The following PPP1R13B variants were observed in gnomAD, a reference collection of about 807,000 sequenced individuals.
The protein encoded by PPP1R13B is protein phosphatase 1 regulatory subunit 13B, also known as apoptosis-stimulating of p53 protein 1.
Under a neutral mutation model 119.8 loss-of-function variants are expected in PPP1R13B, and 44 were observed. The ratio of observed to expected loss-of-function variants is 0.37; its 90% confidence interval spans 0.29 to 0.47. The LOEUF is 0.47. Among genes scored for constraint, PPP1R13B ranks in the 20% least tolerant of loss-of-function variants. The probability of loss-of-function intolerance (pLI) is 0.99; values close to 1 mark genes in which losing one functional copy is unlikely to be tolerated. For missense variants in PPP1R13B, 1,227 were observed against 1,413.5 expected, an observed-to-expected ratio of 0.87 and a Z score of 2.12; for synonymous variants, 542 against 561.5, an observed-to-expected ratio of 0.97 and a Z score of 0.49.
At chr14:103,845,462 T>C (rs547421445) in intron 1 of PPP1R13B, among the ~76,000 whole-genome samples, 1 of 152,288 alleles carries the variant, frequency 6.6e-6, no homozygotes, top group East Asian at 1.9e-4. Flanking sequence ...AAACAGGTAA[T>C]AGACCTGTTT....
rs534449199 is a variant in PPP1R13B at position 103,804,112 on chromosome 14, T to G, written c.10-6594A>C. On this transcript the variant is annotated intron_variant, in intron 1 of 16. Coordinates refer to ENST00000202556, the MANE Select transcript of PPP1R13B (RefSeq NM_015316.3). ...CCATTTTTTTTTTCATTCAAAAAAG[T>G]TGGAAAATATCATACTAGACCATAA... 727 of 945,532 alleles carry G rather than the reference T, an allele frequency of 7.7e-4. 3 individuals carry two copies. In the African/African-American group the frequency reaches 0.012, roughly 16 times the overall value. 58.6% of individuals were successfully genotyped at this position (945,532 alleles called of 1,614,324 possible). A position where few individuals can be genotyped will look rare whatever the true frequency, so the allele number is the denominator to read the frequency against.
chr14:103,846,824 C>A (rs915477220), intron 1 of PPP1R13B: 10 of 465,680 alleles, frequency 2.1e-5, no homozygotes, highest in African/African-American at 2.0e-4. Flanking sequence ...CTCTCCAAAT[C>A]CGTGCACTCG....
intron 1 of PPP1R13B, among the ~76,000 whole-genome samples, chr14:103,832,714 C>T (rs1025535449): frequency 2.0e-5 from 3 of 152,204 alleles, no homozygotes; most frequent in African/African-American, 7.2e-5. Flanking sequence ...ATCCCAGCAT[C>T]CCAGCACTTT....
At chr14:103,739,195 G>A (rs2084187885) in intron 12 of PPP1R13B, 172 bp from the exon 13 acceptor site, 4 of 800,324 alleles carry the variant, frequency 5.0e-6, no homozygotes, top group Non-Finnish European at 5.9e-6. Context: ...ATAAGGGCCA[G>A]GGCCACTCTG....
At chr14:103,767,151 C>T (rs1418007443) in intron 4 of PPP1R13B, among the ~76,000 whole-genome samples, 5 of 151,888 alleles carry the variant, frequency 3.3e-5, no homozygotes, top group Non-Finnish European at 5.9e-5. Context: ...ACCATCTCTA[C>T]AAAAAAATTT....
At chr14:103,774,731 A>G (rs1228944267) in intron 4 of PPP1R13B, among the ~76,000 whole-genome samples, 1 of 152,196 alleles carries the variant, frequency 6.6e-6, no homozygotes, top group Non-Finnish European at 1.5e-5. Context: ...GCATGTCATT[A>G]TTCTATAACC....
intron 4 of PPP1R13B, among the ~76,000 whole-genome samples, chr14:103,769,929 T>G (rs1176780596): frequency 6.6e-6 from 1 of 152,194 alleles, no homozygotes; most frequent in Non-Finnish European, 1.5e-5. Flanking sequence ...AGCCAGAATA[T>G]TTCATATTCC....
In PPP1R13B at chr14:103,733,456, C is replaced by T. The variant is rs367637650; in HGVS notation, c.*1698G>A. On this transcript the variant is annotated 3_prime_UTR_variant, in exon 17 of 17. Transcript: ENST00000202556. ...CTGTTCGCCTCTAATAGCCAGTTTA[C>T]AGCACTTGCCTTAGCCTGTTTCACA... 1.7e-4 allele frequency: 29 copies of T among 166,638 alleles called. No individual in the cohort carries two copies. Among genetic ancestry groups the T allele is most frequent in the South Asian group, 6.3e-4 (4 of 6,350 alleles). The allele number at this position is 166,638 out of a possible 1,614,324, so 10.3% of individuals were successfully genotyped here.
chr14:103,766,381 TC>T (rs978655154), intron 4 of PPP1R13B, among the ~76,000 whole-genome samples: 49 of 152,242 alleles, frequency 3.2e-4, no homozygotes, highest in African/African-American at 1.1e-3. Flanking sequence ...TGACTGGCTT[TC>T]CCACGCTTAA....
chr14:103,793,556 C>T lies in PPP1R13B; in HGVS notation c.157+3815G>A, dbSNP rs150355377. 4.6e-5 allele frequency among the ~76,000 whole-genome samples: 7 copies of T among 152,296 alleles called. No homozygotes were observed. In the East Asian group the frequency reaches 1.3e-3, roughly 29 times the overall value. ...AATTAAACCTTTTTCCTTTATAAATCATTCCATCTCTGGCAGTTCTTTATA... is the reference window on the plus strand; with the variant it reads ...AATTAAACCTTTTTCCTTTATAAATTATTCCATCTCTGGCAGTTCTTTATA... On this transcript the variant is annotated intron_variant, in intron 2 of 16. Transcript: ENST00000202556.
intron 1 of PPP1R13B, among the ~76,000 whole-genome samples, chr14:103,833,807 C>A (rs2086712114): frequency 6.6e-6 from 1 of 152,130 alleles, no homozygotes; most frequent in Non-Finnish European, 1.5e-5. Flanking sequence ...TACTCTGCTG[C>A]ACCTTGTATC....
chr14:103,816,359 T>C (rs915160692), intron 1 of PPP1R13B, among the ~76,000 whole-genome samples: 3 of 142,330 alleles, frequency 2.1e-5, no homozygotes, highest in Non-Finnish European at 3.1e-5. Flanking sequence ...GGTTTCACCA[T>C]GTTGACCAGG....
intron 1 of PPP1R13B, among the ~76,000 whole-genome samples, chr14:103,808,605 T>C (rs2086073529): frequency 6.6e-6 from 1 of 152,180 alleles, no homozygotes; most frequent in Non-Finnish European, 1.5e-5. Context: ...AAGGTGGCAC[T>C]GCAGGGTAAC....
At chr14:103,780,527 G>A (rs1168465952) in intron 3 of PPP1R13B, among the ~76,000 whole-genome samples, 1 of 142,814 alleles carries the variant, frequency 7.0e-6, no homozygotes, top group Non-Finnish European at 1.5e-5. Context: ...CATTCACTGA[G>A]ATGGGGGCTG....
At chr14:103,736,266 G>A (rs1022233694) in intron 15 of PPP1R13B, 64 bp from the exon 16 acceptor site, 14 of 1,527,078 alleles carry the variant, frequency 9.2e-6, no homozygotes, top group South Asian at 5.6e-5. Flanking sequence ...GACCCTGCTC[G>A]AGGAACAGGA....
chr14:103,742,171 T>C lies in PPP1R13B; in HGVS notation c.1441A>G (p.Arg481Gly). 1 of 1,608,778 alleles carries C rather than the reference T, an allele frequency of 6.2e-7. No individual in the cohort carries two copies. The highest frequency in any genetic ancestry group is 8.5e-7 in the Non-Finnish European group (1 of 1,179,980). Reference protein sequence around the residue: ...LGPGSTSSLERRKEGSLPRPS... With the variant: ...LGPGSTSSLEGRKEGSLPRPS... ...CTGGGCAAGCTGCCTTCCTTCCTCC[T>C]TTCCAGGGAGCTTGTCGACCCAGGA... The change falls in exon 11 of 17, where the codon AGG (arginine) becomes GGG (glycine). Residue 481 changes from arginine to glycine, a missense_variant. Transcript: ENST00000202556. This position sits in a 1 kb window ranked among gnomAD's most constrained non-coding sequence, Gnocchi z 4.9.
Position 103,738,284 on chromosome 14 carries a change from G to A in PPP1R13B, c.2864+395C>T, listed in dbSNP as rs2084163306. ...CGCCTCGCCCAGCAGCAGAGCTCCCGAAGGCAAACGGAATGAACAATGCGA... is the reference window on the plus strand; with the variant it reads ...CGCCTCGCCCAGCAGCAGAGCTCCCAAAGGCAAACGGAATGAACAATGCGA... On this transcript the variant is annotated intron_variant, in intron 14 of 16. Coordinates refer to ENST00000202556, the MANE Select transcript of PPP1R13B (RefSeq NM_015316.3). The surrounding 1 kb of genome is among the most constrained non-coding windows in gnomAD (Gnocchi z 5.6). The A allele has an allele frequency of 7.3e-6, 2 of 274,032 alleles. No homozygotes were observed. Among genetic ancestry groups the A allele is most frequent in the Non-Finnish European group, 1.4e-5 (2 of 144,474 alleles). 17.0% of individuals were successfully genotyped at this position (274,032 alleles called of 1,614,324 possible). A position where few individuals can be genotyped will look rare whatever the true frequency, so the allele number is the denominator to read the frequency against.
At chr14:103,823,851 A>C (rs551139625) in intron 1 of PPP1R13B, among the ~76,000 whole-genome samples, 1 of 151,996 alleles carries the variant, frequency 6.6e-6, no homozygotes, top group Admixed American at 6.6e-5. Flanking sequence ...AAGTCAACCA[A>C]TAGAGGAAAT....
At position 103,788,224 on chromosome 14, in the gene PPP1R13B, A is replaced by G. The variant is rs370182062; in HGVS notation, c.158-3310T>C. 1.1e-4 allele frequency among the ~76,000 whole-genome samples: 16 copies of G among 152,294 alleles called. No homozygotes were observed. The East Asian group carries it at 1.7e-3, about 17-fold the overall frequency. On this transcript the variant is annotated intron_variant, in intron 2 of 16. Transcript: ENST00000202556. Reference sequence around the variant, plus strand: ...TTTTAGTCTCACCATTTTCAAAAGTATTAACACCTGCAATTTCTTAAACTT... The same window carrying G: ...TTTTAGTCTCACCATTTTCAAAAGTGTTAACACCTGCAATTTCTTAAACTT...
Sources: gnomAD v4.1 joint callset for allele counts (sites outside exome capture counted in the v4.1 genomes callset) on GRCh38, gnomAD v4.1.1 for gene constraint, Gnocchi (gnomAD v3.1) non-coding constraint, MANE v1.5 for transcripts, NCBI Gene and HGNC (gene_info 2026-07-23, HGNC 2026-07-21) for gene names.